NRXN3: variants seen among roughly 807,000 people sequenced by gnomAD.
NRXN3 encodes the protein neurexin III.
Under a neutral mutation model 137.6 loss-of-function variants are expected in NRXN3, and 32 were observed. The observed-to-expected ratio is 0.23, with a 90% CI of 0.18 to 0.31. NRXN3 has a LOEUF of 0.31. NRXN3 is among the 10% of genes least tolerant of loss of function. The pLI is 1.00. For missense variants in NRXN3, 1,574 were observed against 2,062.5 expected, an observed-to-expected ratio of 0.76 and a Z score of 4.59; for synonymous variants, 798 against 784.5, an observed-to-expected ratio of 1.02 and a Z score of -0.29.
At chr14:79,059,231 G>A (rs1157442147) in intron 15 of NRXN3, among the ~76,000 whole-genome samples, 2 of 142,396 alleles carry the variant, frequency 1.4e-5, no homozygotes, top group South Asian at 2.2e-4. Context: ...TCATAAGAAG[G>A]CTGCCTTCAG....
At chr14:78,773,406 G>GGCTGCATGGA (rs1240507896) in intron 8 of NRXN3, among the ~76,000 whole-genome samples, 62 of 152,198 alleles carry the variant, frequency 4.1e-4, no homozygotes, top group African/African-American at 1.4e-3. Flanking sequence ...GTGTCAGCCA[G>GGCTGCATGGA]GCTGCATGGA....
rs58956295 is a variant in NRXN3 at position 79,754,380 on chromosome 14, A to G, written c.4015-50732A>G. Reference sequence around the variant, plus strand: ...TAAATAAAGTACAGGGAGGATGTGTATAGATTATATGCAAATACTGTGCCA... The same window carrying G: ...TAAATAAAGTACAGGGAGGATGTGTGTAGATTATATGCAAATACTGTGCCA... On this transcript the variant is annotated intron_variant, in intron 19 of 20. Coordinates refer to ENST00000335750, the MANE Select transcript of NRXN3 (RefSeq NM_001330195.2). 4.1e-3 allele frequency among the ~76,000 whole-genome samples: 617 copies of G among 151,018 alleles called. 7 individuals carry two copies. The highest frequency in any genetic ancestry group is 0.014 in the African/African-American group (581 of 41,274).
At chr14:79,433,882 G>C (rs887946003) in intron 15 of NRXN3, among the ~76,000 whole-genome samples, 2 of 152,140 alleles carry the variant, frequency 1.3e-5, no homozygotes, top group Non-Finnish European at 2.9e-5. Flanking sequence ...TTCTTTTGCA[G>C]AGAAAACATA....
rs1568486839 is a variant in NRXN3 at position 79,861,814 on chromosome 14, C to T, written c.4566C>T (p.Asn1522=). The change falls in exon 21 of 21, where the codon AAC becomes AAT. Residue 1522 remains asparagine, a synonymous_variant. Coordinates refer to ENST00000335750, the MANE Select transcript of NRXN3 (RefSeq NM_001330195.2). The surrounding 1 kb of genome is among the most constrained non-coding windows in gnomAD (Gnocchi z 5.4). Reference sequence around the variant, plus strand: ...TGTACGCCATGTACAAGTACAGGAACAGGGACGAGGGGTCCTATCAAGTGG... The same window carrying T: ...TGTACGCCATGTACAAGTACAGGAATAGGGACGAGGGGTCCTATCAAGTGG... ...ILLYAMYKYR[N]RDEGSYQVDE... 1 of 1,614,124 alleles carries T rather than the reference C, an allele frequency of 6.2e-7. No individual in the cohort carries two copies. The highest frequency in any genetic ancestry group is 8.5e-7 in the Non-Finnish European group (1 of 1,180,026).
chr14:78,376,342 C>T (rs532431300), intron 4 of NRXN3, among the ~76,000 whole-genome samples: 99 of 152,232 alleles, frequency 6.5e-4, no homozygotes, highest in Admixed American at 1.0e-3. Context: ...TAATGCAAAC[C>T]CACTGTTGCC....
chr14:78,702,774 A>C (rs1252204435), intron 6 of NRXN3, among the ~76,000 whole-genome samples: 1 of 152,106 alleles, frequency 6.6e-6, no homozygotes, highest in East Asian at 1.9e-4. Flanking sequence ...ACTCCATGCT[A>C]TACTGTCTGT....
intron 8 of NRXN3, among the ~76,000 whole-genome samples, chr14:78,719,203 AAAT>A (rs1468200492): frequency 2.6e-5 from 4 of 152,220 alleles, no homozygotes; most frequent in African/African-American, 9.7e-5. Context: ...GCAAGAAAGT[AAAT>A]AAAGCTCAGC....
At chr14:78,916,137 C>T (rs1026481048) in intron 10 of NRXN3, among the ~76,000 whole-genome samples, 6 of 152,044 alleles carry the variant, frequency 3.9e-5, no homozygotes, top group African/African-American at 1.4e-4. Context: ...ACATTACTTA[C>T]TGTCGAAACT....
chr14:78,213,653 T>G (rs1464595295), intron 1 of NRXN3, among the ~76,000 whole-genome samples: 1 of 152,086 alleles, frequency 6.6e-6, no homozygotes, highest in Non-Finnish European at 1.5e-5. Flanking sequence ...GGCCGCAATG[T>G]GAATGCAGTG....
chr14:79,265,200 G>T (rs1237718989), intron 15 of NRXN3, among the ~76,000 whole-genome samples: 1 of 147,020 alleles, frequency 6.8e-6, no homozygotes, highest in Non-Finnish European at 1.5e-5. Context: ...TCCACATCTG[G>T]TAAGTGAGGG....
At chr14:79,512,061 G>A (rs533223377) in intron 16 of NRXN3, among the ~76,000 whole-genome samples, 21 of 152,144 alleles carry the variant, frequency 1.4e-4, no homozygotes, top group African/African-American at 4.3e-4. Flanking sequence ...CACCATGCCC[G>A]GCTAATTTTG....
At chr14:79,045,924 G>A (rs752210980) in intron 15 of NRXN3, among the ~76,000 whole-genome samples, 15 of 152,144 alleles carry the variant, frequency 9.9e-5, no homozygotes, top group Non-Finnish European at 2.1e-4. Context: ...AAAACAGCTA[G>A]AAGAGAATAA....
intron 15 of NRXN3, among the ~76,000 whole-genome samples, chr14:79,210,304 G>A (rs1266161814): frequency 6.6e-6 from 1 of 152,150 alleles, no homozygotes; most frequent in African/African-American, 2.4e-5. Flanking sequence ...GAATATGCTT[G>A]TTTCACTAGG....
intron 15 of NRXN3, among the ~76,000 whole-genome samples, chr14:79,406,495 G>A: frequency 6.6e-6 from 1 of 151,766 alleles, no homozygotes. Flanking sequence ...GTAGAGATGG[G>A]GTTTCACCAT....
At chr14:79,219,225 C>A (rs1385818709) in intron 15 of NRXN3, among the ~76,000 whole-genome samples, 1 of 152,190 alleles carries the variant, frequency 6.6e-6, no homozygotes, top group Non-Finnish European at 1.5e-5. Context: ...TGCACTCAAA[C>A]AATCCTCCTG....
intron 2 of NRXN3, among the ~76,000 whole-genome samples, chr14:78,269,684 C>G (rs2072393838): frequency 6.6e-6 from 1 of 152,160 alleles, no homozygotes; most frequent in South Asian, 2.1e-4. Flanking sequence ...GTTTCTTTCC[C>G]ACACCCCGTA....
At chr14:78,861,316 C>G (rs534601018) in intron 10 of NRXN3, among the ~76,000 whole-genome samples, 53 of 152,220 alleles carry the variant, frequency 3.5e-4, no homozygotes, top group African/African-American at 1.3e-3. Flanking sequence ...TTGTATCTGT[C>G]TACTCTTTCT....
intron 15 of NRXN3, among the ~76,000 whole-genome samples, chr14:79,129,369 T>A (rs987974460): frequency 7.3e-5 from 11 of 150,656 alleles, no homozygotes; most frequent in South Asian, 2.1e-4. Context: ...GAGATTCTGG[T>A]ATGTTGTGTC....
At chr14:78,207,198 G>A (rs2062283084) in intron 1 of NRXN3, among the ~76,000 whole-genome samples, 1 of 152,016 alleles carries the variant, frequency 6.6e-6, no homozygotes, top group Non-Finnish European at 1.5e-5. Flanking sequence ...ATATTACCTA[G>A]CCACAGATCT....
Sources: gnomAD v4.1 joint callset for allele counts (sites outside exome capture counted in the v4.1 genomes callset) on GRCh38, gnomAD v4.1.1 for gene constraint, Gnocchi (gnomAD v3.1) non-coding constraint, MANE v1.5 for transcripts, NCBI Gene and HGNC (gene_info 2026-07-23, HGNC 2026-07-21) for gene names.